C9orf72: variants seen among roughly 807,000 people sequenced by gnomAD.
C9orf72 encodes the protein guanine nucleotide exchange factor C9orf72.
In C9orf72, 44 loss-of-function variants were observed where a neutral mutation model predicts 51.6. That is an observed-to-expected ratio of 0.85 (90% CI 0.67 to 1.10). The LOEUF (loss-of-function observed/expected upper bound fraction) is 1.10, where lower values mean the gene tolerates loss of function less well. Among genes scored for constraint, C9orf72 ranks in the 50% least tolerant of loss-of-function variants. The probability of loss-of-function intolerance (pLI) is 0.00; values close to 1 mark genes in which losing one functional copy is unlikely to be tolerated. For missense variants in C9orf72, 607 were observed against 570.6 expected, an observed-to-expected ratio of 1.06 and a Z score of -0.65; for synonymous variants, 213 against 194.2, an observed-to-expected ratio of 1.10 and a Z score of -0.81.
chr9:27,561,484 T>G (rs2131540000), intron 5 of C9orf72, 101 bp downstream of exon 5: 1 of 1,534,226 alleles, frequency 6.5e-7, no homozygotes, highest in South Asian at 1.2e-5. Context: ...TAGAACAATC[T>G]AAGTAGACAG....
At chr9:27,556,536 T>G in intron 8 of C9orf72, 25 bp downstream of exon 8, 1 of 1,449,188 alleles carries the variant, frequency 6.9e-7, no homozygotes. Context: ...TTGACTACAG[T>G]ACCAGCAGGC....
rs1370119959 is a variant in C9orf72 at position 27,566,978 on chromosome 9, T to G, written c.143A>C (p.Lys48Thr). The part of the protein sequence containing the change: ...GPRVRHIWAP[K>T]TEQVLLSDGE... ...ATCACTGAGAAGTACCTGTTCTGTC[T>G]TTGGAGCCCAAATGTGCCTTACTCT... Residue 48 changes from lysine (K) to threonine (T), a missense_variant, in exon 2 of 11, where the codon AAG becomes ACG. Transcript: ENST00000380003. The G allele has an allele frequency of 6.2e-7, 1 of 1,614,150 alleles. No individual in the cohort carries two copies. The highest frequency in any genetic ancestry group is 2.2e-5 in the East Asian group (1 of 44,884).
intron 1 of C9orf72, among the ~76,000 whole-genome samples, chr9:27,568,854 T>C (rs955937220): frequency 6.6e-6 from 1 of 151,942 alleles, no homozygotes; most frequent in African/African-American, 2.4e-5. Context: ...TTTTTTAAGT[T>C]AAATGTAAAA....
At chr9:27,561,365 G>C (rs992306868) in intron 5 of C9orf72, 4 of 1,279,350 alleles carry the variant, frequency 3.1e-6, no homozygotes, top group Middle Eastern at 3.0e-4. Context: ...GTCTGGGATG[G>C]AAACTCGGTT....
Position 27,556,784 on chromosome 9 carries a change from T to G in C9orf72, c.868A>C (p.Ser290Arg). The G allele has an allele frequency of 6.2e-7, 1 of 1,610,984 alleles. No homozygotes were observed. Among genetic ancestry groups the G allele is most frequent in the Non-Finnish European group, 8.5e-7 (1 of 1,177,226 alleles). ...VQGLLKDSTG[S>R]FVLPFRQVMY... is the part of the protein sequence containing the mutation. ...ACTTGCCGGAAAGGCAGCACAAAGC[T>G]TCCAGTTGAATCCTGTCAAAATAAA... Residue 290 changes from serine to arginine, a missense_variant, in exon 8 of 11, where the codon AGC becomes CGC. Ser to Arg is a moderately radical substitution (Grantham distance 110). Coordinates refer to ENST00000380003, the MANE Select transcript of C9orf72 (RefSeq NM_018325.5).
intron 9 of C9orf72, 78 bp from the exon 10 acceptor site, chr9:27,548,744 A>C (rs1397687353): frequency 1.3e-6 from 1 of 781,876 alleles, no homozygotes; most frequent in Non-Finnish European, 2.2e-6. Context: ...CAGTGTTGAC[A>C]GTGCTTGGCA....
intron 1 of C9orf72, among the ~76,000 whole-genome samples, chr9:27,568,184 T>C (rs905401429): frequency 3.3e-5 from 5 of 150,960 alleles, no homozygotes; most frequent in African/African-American, 1.2e-4. Flanking sequence ...AACTCTCTGG[T>C]TATGAGAATA....
At chr9:27,551,406 C>A (rs1331302760) in intron 8 of C9orf72, among the ~76,000 whole-genome samples, 1 of 152,206 alleles carries the variant, frequency 6.6e-6, no homozygotes, top group East Asian at 1.9e-4. Flanking sequence ...ATTCCCTTCC[C>A]AGGCCCCACC....
intron 9 of C9orf72, among the ~76,000 whole-genome samples, chr9:27,549,318 G>A (rs1587297906): frequency 6.6e-6 from 1 of 152,124 alleles, no homozygotes; most frequent in Non-Finnish European, 1.5e-5. Flanking sequence ...CCTAGAAGAT[G>A]AGCCTATGGT....
In C9orf72 at chr9:27,561,621, T is replaced by C. The variant is rs762036455; in HGVS notation, c.629A>G (p.Asp210Gly). ...GCCTTCATGACAGCTGTCACCAATA[T>C]CATCATCATTGAGTACTGTATCAGC... is the stretch of plus-strand genomic sequence containing the variant. ...DIADTVLNDD[D>G]IGDSCHEGFL... is the part of the protein sequence containing the mutation. Residue 210 changes from aspartate (D) to glycine (G), a missense_variant, in exon 5 of 11, where the codon GAT becomes GGT. Coordinates refer to ENST00000380003, the MANE Select transcript of C9orf72 (RefSeq NM_018325.5). The C allele has an allele frequency of 2.5e-6, 4 of 1,610,058 alleles. No homozygotes were observed. The highest frequency in any genetic ancestry group is 3.4e-6 in the Non-Finnish European group (4 of 1,177,220).
intron 3 of C9orf72, among the ~76,000 whole-genome samples, chr9:27,562,819 C>A (rs925025814): frequency 6.6e-6 from 1 of 151,848 alleles, no homozygotes; most frequent in Non-Finnish European, 1.5e-5. Context: ...CTATAGGTGC[C>A]GCCACCATGC....
At chr9:27,565,733 G>A in intron 2 of C9orf72, 143 bp from the exon 3 acceptor site, 1 of 585,544 alleles carries the variant, frequency 1.7e-6, no homozygotes, top group Admixed American at 3.1e-5. Flanking sequence ...GGCAGGGGTA[G>A]GAAATTAACC....
intron 8 of C9orf72, among the ~76,000 whole-genome samples, chr9:27,551,645 T>A (rs1047524054): frequency 5.9e-5 from 9 of 152,114 alleles, no homozygotes; most frequent in African/African-American, 1.7e-4. Context: ...AAAGAAACCG[T>A]AAAGGGGAAA....
intron 8 of C9orf72, among the ~76,000 whole-genome samples, chr9:27,556,290 A>T (rs1819195557): frequency 6.6e-6 from 1 of 152,138 alleles, no homozygotes; most frequent in African/African-American, 2.4e-5. Flanking sequence ...CCCGGTACCT[A>T]GAACAGTGCC....
chr9:27,565,573 G>A lies in C9orf72; in HGVS notation c.462C>T (p.Val154=), dbSNP rs188263738. The stretch of plus-strand genomic sequence containing the variant: ...CTGTGCCTTCTAAGATAATCTTCTG[G>A]ACATTTTCTTGTCTTTCCTGAGCAA... ...IWMHKERQEN[V]QKIILEGTER... is the part of the protein sequence containing the mutation. The change falls in exon 3 of 11, where the codon GTC becomes GTT. Residue 154 remains valine, a synonymous_variant. Transcript: ENST00000380003. 422 of 1,604,206 alleles carry A rather than the reference G, an allele frequency of 2.6e-4. 3 individuals are homozygous for A. In the East Asian group the frequency reaches 8.4e-3, roughly 32 times the overall value.
At chr9:27,561,185 AC>A in intron 5 of C9orf72, 1 of 949,366 alleles carries the variant, frequency 1.1e-6, no homozygotes, top group South Asian at 3.9e-5. Context: ...ACTCTTAAGT[AC>A]TAAACTCCAC....
chr9:27,558,345 C>G (rs1001763698), intron 7 of C9orf72, 146 bp downstream of exon 7: 20 of 617,824 alleles, frequency 3.2e-5, no homozygotes, highest in Non-Finnish European at 8.6e-6. Flanking sequence ...GACATATAGT[C>G]TATGTGCAGA....
Position 27,548,561 on chromosome 9 carries a change from C to T in C9orf72, c.1255G>A (p.Asp419Asn), listed in dbSNP as rs1482971261. The T allele has an allele frequency of 1.3e-5, 21 of 1,571,506 alleles. No homozygotes were observed. Among genetic ancestry groups the T allele is most frequent in the Non-Finnish European group, 1.6e-5 (18 of 1,142,812 alleles). ...CCGTGTAGGAGTTTTACTCACGTATCGTCTTCTATATATTTTATTAGTGTC... is the reference window on the plus strand; with the variant it reads ...CCGTGTAGGAGTTTTACTCACGTATTGTCTTCTATATATTTTATTAGTGTC... ...ALTLIKYIED[D>N]TQKGKKPFKS... Residue 419 changes from aspartate to asparagine, a missense_variant, in exon 10 of 11, where the codon GAT (aspartate) becomes AAT (asparagine). By Grantham distance (23) the Asp-to-Asn change is conservative. Coordinates refer to ENST00000380003, the MANE Select transcript of C9orf72 (RefSeq NM_018325.5).
At chr9:27,570,571 GA>G (rs1040123831) in intron 1 of C9orf72, among the ~76,000 whole-genome samples, 7 of 149,024 alleles carry the variant, frequency 4.7e-5, no homozygotes, top group Admixed American at 3.3e-4. Context: ...AACAGAATAA[GA>G]AAAAAAAAAT....
Sources: gnomAD v4.1 joint callset for allele counts (sites outside exome capture counted in the v4.1 genomes callset) on GRCh38, gnomAD v4.1.1 for gene constraint, MANE v1.5 for transcripts, NCBI Gene and HGNC (gene_info 2026-07-23, HGNC 2026-07-21) for gene names.